Variants in TMPRSS15 observed in about 807,000 individuals in gnomAD.
TMPRSS15 encodes enteropeptidase.
In TMPRSS15, 128 loss-of-function variants were observed where a neutral mutation model predicts 125.3. The observed-to-expected ratio is 1.02, with a 90% confidence interval of 0.89 to 1.18. The LOEUF is 1.18. TMPRSS15 is among the 50% of genes most tolerant of loss of function. The pLI, the probability that TMPRSS15 is intolerant of heterozygous loss-of-function variation, is 0.00. For missense variants in TMPRSS15, 1,283 were observed against 1,212.7 expected (o/e 1.06, Z -0.86); for synonymous variants, 446 against 423.2 (o/e 1.05, Z -0.66).
At chr21:18,339,017 G>T in intron 13 of TMPRSS15, among the ~76,000 whole-genome samples, 1 of 151,410 alleles carries the variant, frequency 6.6e-6, no homozygotes. Context: ...TTTCTCCAAA[G>T]TCCTCTATCA....
At chr21:18,483,614 G>A (rs1020429579) in intron 1 of TMPRSS15, among the ~76,000 whole-genome samples, 1 of 151,754 alleles carries the variant, frequency 6.6e-6, no homozygotes, top group African/African-American at 2.4e-5. Context: ...ATATGTCTGT[G>A]TGCATTATTC....
intron 18 of TMPRSS15, among the ~76,000 whole-genome samples, chr21:18,304,960 CGACA>C (rs542505845): frequency 6.4e-4 from 97 of 152,040 alleles, no homozygotes; most frequent in African/African-American, 2.2e-3. Context: ...GAAGTAGGAG[CGACA>C]GACAAAGAAG....
At chr21:18,294,202 A>C (rs1182251161) in intron 21 of TMPRSS15, 68 bp downstream of exon 21, 1 of 1,588,304 alleles carries the variant, frequency 6.3e-7, no homozygotes, top group Non-Finnish European at 8.6e-7. Flanking sequence ...TGCTGCATGA[A>C]ATGGGACGCT....
At chr21:18,289,558 C>T (rs1428064543) in intron 21 of TMPRSS15, among the ~76,000 whole-genome samples, 2 of 152,194 alleles carry the variant, frequency 1.3e-5, no homozygotes, top group African/African-American at 4.8e-5. Context: ...TATTTCTTAC[C>T]ATGCCCCAAA....
At chr21:18,350,710 A>AGT (rs1370033853) in intron 10 of TMPRSS15, among the ~76,000 whole-genome samples, 2 of 151,958 alleles carry the variant, frequency 1.3e-5, no homozygotes, top group Non-Finnish European at 2.9e-5. Context: ...ATTTTCCCAA[A>AGT]GTACCTATTC....
chr21:18,317,552 C>G (rs1245232741), intron 16 of TMPRSS15, among the ~76,000 whole-genome samples: 1 of 152,070 alleles, frequency 6.6e-6, no homozygotes, highest in Non-Finnish European at 1.5e-5. Flanking sequence ...CAGCATCTAA[C>G]TCCCTGGCCA....
At chr21:18,337,142 C>T (rs1380570298) in intron 13 of TMPRSS15, among the ~76,000 whole-genome samples, 2 of 152,194 alleles carry the variant, frequency 1.3e-5, no homozygotes, top group Non-Finnish European at 2.9e-5. Flanking sequence ...GACCTGCCCC[C>T]CTCAGCCTCC....
chr21:18,432,955 T>G (rs2076219363), intron 1 of TMPRSS15, among the ~76,000 whole-genome samples: 1 of 152,190 alleles, frequency 6.6e-6, no homozygotes, highest in South Asian at 2.1e-4. Flanking sequence ...TAACTATTTT[T>G]GTCAAGTAAG....
At chr21:18,294,738 T>A in intron 19 of TMPRSS15, 86 bp from the exon 20 acceptor site, 3 of 1,221,664 alleles carry the variant, frequency 2.5e-6, no homozygotes, top group Non-Finnish European at 3.6e-6. Flanking sequence ...TACTTTTGCT[T>A]TAGTAAAATG....
intron 10 of TMPRSS15, among the ~76,000 whole-genome samples, chr21:18,348,343 C>T (rs1223178507): frequency 4.6e-5 from 7 of 152,122 alleles, no homozygotes; most frequent in Non-Finnish European, 8.8e-5. Flanking sequence ...CACCCAACAT[C>T]CTAATTAAAA....
At chr21:18,386,896 A>T (rs919809322) in intron 3 of TMPRSS15, among the ~76,000 whole-genome samples, 3 of 152,234 alleles carry the variant, frequency 2.0e-5, no homozygotes, top group Non-Finnish European at 4.4e-5. Flanking sequence ...AAGAAAATAC[A>T]AATCTGGAAT....
chr21:18,312,904 T>C, intron 18 of TMPRSS15, 41 bp downstream of exon 18: 3 of 1,610,180 alleles, frequency 1.9e-6, no homozygotes, highest in Non-Finnish European at 2.5e-6. Context: ...AATAAAAAGG[T>C]TTGCAAATCT....
intron 1 of TMPRSS15, among the ~76,000 whole-genome samples, chr21:18,455,677 G>A (rs994090590): frequency 6.6e-6 from 1 of 152,112 alleles, no homozygotes; most frequent in Non-Finnish European, 1.5e-5. Context: ...TGTCAGGGAG[G>A]AGAAGACCCC....
chr21:18,317,928 C>A (rs985332695), intron 16 of TMPRSS15, among the ~76,000 whole-genome samples: 5 of 138,706 alleles, frequency 3.6e-5, no homozygotes, highest in Non-Finnish European at 7.6e-5. Flanking sequence ...CCATTCTATT[C>A]CATAACAAGG....
intron 6 of TMPRSS15, among the ~76,000 whole-genome samples, chr21:18,367,407 C>T (rs932362211): frequency 2.2e-4 from 33 of 152,284 alleles, no homozygotes; most frequent in Non-Finnish European, 4.0e-4. Context: ...AAAAGCAAAT[C>T]TCTTTTCTCA....
chr21:18,416,361 A>C (rs2076180155), intron 1 of TMPRSS15, among the ~76,000 whole-genome samples: 1 of 152,104 alleles, frequency 6.6e-6, no homozygotes, highest in Non-Finnish European at 1.5e-5. Flanking sequence ...AGAAGAGCAA[A>C]GCTGGAGACA....
In TMPRSS15 at chr21:18,333,009, T is replaced by C. The variant is rs527327123; in HGVS notation, c.1565-836A>G. Among the ~76,000 whole-genome samples, 47 of 152,258 alleles carry C rather than the reference T, an allele frequency of 3.1e-4. 1 individual carries two copies. In the South Asian group the frequency reaches 7.9e-3, roughly 26 times the overall value. ...AACACAAGAACAGAAAATCAAATTC[T>C]GTATGTTCTCACTTATAAGTGAAAG... On this transcript the variant is annotated intron_variant, in intron 13 of 24. Coordinates refer to ENST00000284885, the MANE Select transcript of TMPRSS15 (RefSeq NM_002772.3).
At chr21:18,482,228 C>A (rs565793478) in intron 1 of TMPRSS15, among the ~76,000 whole-genome samples, 1 of 151,180 alleles carries the variant, frequency 6.6e-6, no homozygotes, top group African/African-American at 2.4e-5. Context: ...AATATGAACA[C>A]CAATTTTGAT....
intron 16 of TMPRSS15, among the ~76,000 whole-genome samples, chr21:18,321,320 C>A: frequency 6.7e-6 from 1 of 149,360 alleles, no homozygotes. Context: ...CTCCAGAAGA[C>A]AAGTGAAGCA....
Sources: allele counts gnomAD v4.1 joint callset (sites outside exome capture counted in the v4.1 genomes callset), GRCh38; gene constraint gnomAD v4.1.1; transcripts MANE v1.5; gene names NCBI Gene and HGNC (gene_info 2026-07-23, HGNC 2026-07-21).